NBPF4: variants seen among roughly 807,000 people sequenced by gnomAD.
NBPF4 encodes the protein NBPF family member NBPF4.
NBPF4 carries 11 observed loss-of-function variants against 21.1 expected under a neutral mutation model. The observed-to-expected ratio is 0.52, with a 90% CI of 0.33 to 0.86. The LOEUF is 0.86. Among genes scored for constraint, NBPF4 ranks in the 40% least tolerant of loss-of-function variants. The pLI, the probability that NBPF4 is intolerant of heterozygous loss-of-function variation, is 0.03. For synonymous variants in NBPF4, 47 were observed against 106.4 expected (o/e 0.44, Z 3.43); for missense variants, 88 against 265.3 (o/e 0.33, Z 4.64).
At chr1:108,244,901 GATATATATATATATATATATAT>G (rs1173565670), upstream of NBPF4, among the ~76,000 whole-genome samples, 429 of 12,446 alleles carry the variant, frequency 0.034, 81 homozygotes, top group African/African-American at 0.11. Flanking sequence ...TATTGTTGGA[GATATATATATATATATATATAT>G]ATATATATAT....
At chr1:108,247,698 C>CAA (rs1188758087), upstream of NBPF4, among the ~76,000 whole-genome samples, 4 of 150,300 alleles carry the variant, frequency 2.7e-5, no homozygotes, top group Admixed American at 2.7e-4. Context: ...AACAAACAAA[C>CAA]AAACACACAT....
At position 108,223,466 on chromosome 1, in the gene NBPF4, G is replaced by A. The variant is rs1571323529; in HGVS notation, c.*239C>T. ...GAATTGAGAAACAGGGCTAACGCCG[G>A]TCAATGCTATTTGTCCATCTGGGCA... is the stretch of plus-strand genomic sequence containing the variant. On this transcript the variant is annotated 3_prime_UTR_variant, in exon 15 of 15. Transcript: ENST00000415641. 1 of 518,008 alleles carries A rather than the reference G, an allele frequency of 1.9e-6. No homozygotes were observed. The highest frequency in any genetic ancestry group is 2.0e-5 in the African/African-American group (1 of 51,190). 32.1% of individuals were successfully genotyped at this position (518,008 alleles called of 1,614,324 possible).
chr1:108,256,442 G>C, the NBPF4 span, among the ~76,000 whole-genome samples: 2 of 135,134 alleles, frequency 1.5e-5, no homozygotes, highest in Non-Finnish European at 3.2e-5. Flanking sequence ...ACTTATTAGA[G>C]ACCTTCTTTC....
chr1:108,257,762 CTTTT>C, the NBPF4 span, among the ~76,000 whole-genome samples: 40 of 54,718 alleles, frequency 7.3e-4, no homozygotes, highest in South Asian at 3.3e-3. Flanking sequence ...CTTTTCTTTT[CTTTT>C]TTTTTTTTTT....
Position 108,226,512 on chromosome 1 carries a change from G to C in NBPF4, c.1875+167C>G, listed in dbSNP as rs1649477958. ...AGTAAAGAGGAGATGGGTAGAGAAA[G>C]GGCCAGTCAGGGTGGGAGCCCATGG... On this transcript the variant is annotated intron_variant, in intron 14 of 14. Coordinates refer to ENST00000415641, the MANE Select transcript of NBPF4 (RefSeq NM_001143989.3). Among the ~76,000 whole-genome samples, 2 of 150,990 alleles carry C rather than the reference G, an allele frequency of 1.3e-5. 1 individual carries two copies. The highest frequency in any genetic ancestry group is 4.9e-5 in the African/African-American group (2 of 40,596).
Position 108,222,905 on chromosome 1 carries a change from C to CCGCACTGGGGATGGA in NBPF4, c.*785_*799dup, listed in dbSNP as rs1225650693. On this transcript the variant is annotated 3_prime_UTR_variant, in exon 15 of 15. Transcript: ENST00000415641. ...TAACCAAGTGACCATCCTAGTATCA[C>CCGCACTGGGGATGGA]CGCACTGGGGATGGACACACTGGGC... is the stretch of plus-strand genomic sequence containing the variant. Among the ~76,000 whole-genome samples the CCGCACTGGGGATGGA allele has an allele frequency of 1.3e-5, 2 of 152,158 alleles. No homozygotes were observed. The highest frequency in any genetic ancestry group is 4.8e-5 in the African/African-American group (2 of 41,442).
chr1:108,268,480 T>C, the NBPF4 span, among the ~76,000 whole-genome samples: 1 of 151,760 alleles, frequency 6.6e-6, no homozygotes, highest in East Asian at 1.9e-4. Context: ...TCCAAGAAAT[T>C]CCATGGCAAG....
the NBPF4 span, among the ~76,000 whole-genome samples, chr1:108,256,551 C>G: frequency 7.6e-5 from 7 of 91,810 alleles, no homozygotes; most frequent in African/African-American, 1.6e-4. Flanking sequence ...CCCCTCCCCT[C>G]CCCTGCCCTC....
In NBPF4 at chr1:108,223,525, G is replaced by A. The variant is rs1369238951; in HGVS notation, c.*180C>T. 2.9e-6 allele frequency: 2 copies of A among 685,732 alleles called. No individual in the cohort carries two copies. Among genetic ancestry groups the A allele is most frequent in the East Asian group, 2.6e-5 (1 of 37,974 alleles). 42.5% of individuals were successfully genotyped at this position (685,732 alleles called of 1,614,324 possible). On this transcript the variant is annotated 3_prime_UTR_variant, in exon 15 of 15. Coordinates refer to ENST00000415641, the MANE Select transcript of NBPF4 (RefSeq NM_001143989.3). ...CCTAGGTATTGATCACAATTGGAGG[G>A]GGATGGAATGTGGCTTCTCAAATCA...
In NBPF4 at chr1:108,235,227, C is replaced by G. The variant is rs1649671436; in HGVS notation, c.1028+9G>C. 5 of 223,580 alleles carry G rather than the reference C, an allele frequency of 2.2e-5. No individual in the cohort carries two copies. Among genetic ancestry groups the G allele is most frequent in the East Asian group, 1.8e-4 (2 of 10,990 alleles). The allele number at this position is 223,580 out of a possible 1,614,324, so 13.8% of individuals were successfully genotyped here. ...CCTGAATAGACAGCCCCTGATTTTT[C>G]TCAATTACCTGGGAGCAACTGTTTC... is the stretch of plus-strand genomic sequence containing the variant. On this transcript the variant is annotated intron_variant, in intron 9 of 14. Transcript: ENST00000415641.
intron 3 of NBPF4, among the ~76,000 whole-genome samples, 173 bp from the exon 4 acceptor site, chr1:108,241,337 TATAC>T (rs1339652435): frequency 3.2e-5 from 3 of 94,456 alleles, no homozygotes; most frequent in East Asian, 3.8e-4. Context: ...TATATATATA[TATAC>T]ACACACACAC....
the NBPF4 span, among the ~76,000 whole-genome samples, chr1:108,268,854 TA>T: frequency 7.7e-6 from 1 of 129,794 alleles, no homozygotes; most frequent in African/African-American, 2.9e-5. Flanking sequence ...AGAAATTAAT[TA>T]AACATTTATA....
upstream of NBPF4, among the ~76,000 whole-genome samples, chr1:108,248,130 A>G (rs1259306807): frequency 6.6e-6 from 1 of 151,776 alleles, no homozygotes; most frequent in Non-Finnish European, 1.5e-5. Flanking sequence ...ACTTTAAATA[A>G]CTGTATATAT....
At position 108,229,166 on chromosome 1, in the gene NBPF4, G is replaced by C; in HGVS notation, c.1424-10C>G. The C allele has an allele frequency of 6.6e-7, 1 of 1,521,670 alleles. No homozygotes were observed. Among genetic ancestry groups the C allele is most frequent in the Non-Finnish European group, 8.9e-7 (1 of 1,120,700 alleles). The allele number at this position is 1,521,670 out of a possible 1,614,324, so 94.3% of individuals were successfully genotyped here. On this transcript the variant is annotated splice_polypyrimidine_tract_variant and intron_variant, in intron 12 of 14. Transcript: ENST00000415641. ...GCCGCCTCGGTGGGGGCTGAAAGGA[G>C]AAGGGGCTTCAGTAGGAACAATCTC...
At chr1:108,266,406 G>T in the NBPF4 span, among the ~76,000 whole-genome samples, 1 of 133,694 alleles carries the variant, frequency 7.5e-6, no homozygotes, top group Non-Finnish European at 1.6e-5. Context: ...ACATGTGTGA[G>T]CCACCATACC....
At chr1:108,244,901 G>GATAGAT (rs1389900748), upstream of NBPF4, among the ~76,000 whole-genome samples, 13 of 12,446 alleles carry the variant, frequency 1.0e-3, no homozygotes, top group African/African-American at 3.4e-3. Flanking sequence ...TATTGTTGGA[G>GATAGAT]ATATATATAT....
intron 14 of NBPF4, 74 bp from the exon 15 acceptor site, chr1:108,223,820 A>T: frequency 3.0e-6 from 4 of 1,324,696 alleles, no homozygotes; most frequent in Non-Finnish European, 4.2e-6. Context: ...GTCTGGAGGG[A>T]TTGCTAAGCA....
At chr1:108,241,339 TACACACAC>T (rs929952048) in intron 3 of NBPF4, among the ~76,000 whole-genome samples, 175 bp from the exon 4 acceptor site, 2 of 110,196 alleles carry the variant, frequency 1.8e-5, no homozygotes, top group African/African-American at 6.5e-5. Context: ...TATATATATA[TACACACAC>T]ACACACACAC....
At chr1:108,256,071 G>T in the NBPF4 span, among the ~76,000 whole-genome samples, 2 of 132,162 alleles carry the variant, frequency 1.5e-5, no homozygotes, top group Admixed American at 8.2e-5. Flanking sequence ...ATTATTTTTT[G>T]ATTGAATCTG....
Sources: gnomAD v4.1 joint callset for allele counts (sites outside exome capture counted in the v4.1 genomes callset) on GRCh38, gnomAD v4.1.1 for gene constraint, MANE v1.5 for transcripts, NCBI Gene and HGNC (gene_info 2026-07-23, HGNC 2026-07-21) for gene names.